FGF18: variants seen among roughly 807,000 people sequenced by gnomAD.
FGF18 encodes the protein fibroblast growth factor 18.
In FGF18, 5 loss-of-function variants were observed where a neutral mutation model predicts 23.0. That is an observed-to-expected ratio of 0.22 (90% CI 0.11 to 0.46). FGF18 has a LOEUF of 0.46. FGF18 is among the 20% of genes least tolerant of loss of function. The probability of loss-of-function intolerance (pLI) is 0.99; values close to 1 mark genes in which losing one functional copy is unlikely to be tolerated. For missense variants in FGF18, 180 were observed against 291.6 expected, an observed-to-expected ratio of 0.62 and a Z score of 2.79; for synonymous variants, 117 against 118.9, an observed-to-expected ratio of 0.98 and a Z score of 0.10.
Position 171,441,584 on chromosome 5 carries a change from G to C in FGF18, c.250+5311G>C, listed in dbSNP as rs868705558. On this transcript the variant is annotated intron_variant, in intron 3 of 4. Transcript: ENST00000274625. ...TTGTCTCCTTATCAGAGAGTCCCCA[G>C]CTCTGTCCACCCTTCCTAGCACTTG... Among the ~76,000 whole-genome samples the C allele has an allele frequency of 2.9e-4, 44 of 152,200 alleles. 1 individual carries two copies. Among genetic ancestry groups the C allele is most frequent in the Non-Finnish European group, 6.2e-4 (42 of 68,046 alleles).
intron 2 of FGF18, among the ~76,000 whole-genome samples, chr5:171,432,332 C>T (rs535061524): frequency 9.2e-5 from 14 of 152,116 alleles, no homozygotes; most frequent in Admixed American, 2.0e-4. Context: ...CTCCACGGGT[C>T]GCTGAGGTGC....
intron 4 of FGF18, among the ~76,000 whole-genome samples, chr5:171,454,686 C>T (rs545097764): frequency 6.6e-6 from 1 of 152,364 alleles, no homozygotes; most frequent in South Asian, 2.1e-4. Context: ...GCCTGTTTTC[C>T]ACTTCAAACA....
intron 2 of FGF18, among the ~76,000 whole-genome samples, chr5:171,428,875 A>T (rs1351880552): frequency 1.3e-5 from 2 of 152,208 alleles, no homozygotes; most frequent in African/African-American, 4.8e-5. Context: ...AGCGGTGCCC[A>T]TATTGATGAT....
At chr5:171,439,531 A>G (rs1187991199) in intron 3 of FGF18, among the ~76,000 whole-genome samples, 1 of 152,190 alleles carries the variant, frequency 6.6e-6, no homozygotes, top group African/African-American at 2.4e-5. Flanking sequence ...GGCAGTTGCC[A>G]TGTCATAGAA....
At chr5:171,439,817 T>C (rs1402725147) in intron 3 of FGF18, among the ~76,000 whole-genome samples, 1 of 152,172 alleles carries the variant, frequency 6.6e-6, no homozygotes, top group Non-Finnish European at 1.5e-5. Context: ...GCAACTCTGC[T>C]TTTAAAGTTT....
intron 2 of FGF18, among the ~76,000 whole-genome samples, chr5:171,421,763 T>G (rs1006011468): frequency 6.6e-6 from 1 of 151,954 alleles, no homozygotes; most frequent in East Asian, 1.9e-4. Flanking sequence ...GACTGATGGG[T>G]TCTTTCCTCC....
chr5:171,455,259 C>T (rs890698400), intron 4 of FGF18, among the ~76,000 whole-genome samples: 19 of 152,210 alleles, frequency 1.2e-4, no homozygotes, highest in African/African-American at 4.3e-4. Flanking sequence ...ACCGACGGCA[C>T]AGTTTGGAGT....
intron 4 of FGF18, 147 bp downstream of exon 4, chr5:171,449,400 T>TGTGTGTGTGTGTGAGA (rs1458322429): frequency 6.3e-5 from 23 of 363,284 alleles, no homozygotes; most frequent in South Asian, 2.5e-4. Context: ...TGTGTGTGTG[T>TGTGTGTGTGTGTGAGA]GAGAGAGAGA....
chr5:171,446,425 A>T (rs1208086039), intron 3 of FGF18, among the ~76,000 whole-genome samples: 1 of 152,204 alleles, frequency 6.6e-6, no homozygotes, highest in Non-Finnish European at 1.5e-5. Context: ...TCCTGAGGTC[A>T]GTCCCTGTTA....
chr5:171,427,065 C>G (rs1015032188), intron 2 of FGF18, among the ~76,000 whole-genome samples: 1 of 152,040 alleles, frequency 6.6e-6, no homozygotes, highest in African/African-American at 2.4e-5. Context: ...AAAAAATTAG[C>G]CGGGCATAGT....
Position 171,456,906 on chromosome 5 carries a change from T to C in FGF18, c.*101T>C. On this transcript the variant is annotated 3_prime_UTR_variant, in exon 5 of 5. Transcript: ENST00000274625. The surrounding 1 kb of genome is among the most constrained non-coding windows in gnomAD (Gnocchi z 6.1). ...TACATGAAAAATAAGGAAGAAGCTC[T>C]ATTTTTGTACATTGTGTTTAAAAGA... 1 of 1,398,690 alleles carries C rather than the reference T, an allele frequency of 7.1e-7. No homozygotes were observed. The highest frequency in any genetic ancestry group is 9.6e-7 in the Non-Finnish European group (1 of 1,039,410). 86.6% of individuals were successfully genotyped at this position (1,398,690 alleles called of 1,614,324 possible).
intron 4 of FGF18, among the ~76,000 whole-genome samples, chr5:171,450,576 G>A (rs1036993897): frequency 1.3e-5 from 2 of 152,204 alleles, no homozygotes; most frequent in African/African-American, 4.8e-5. Context: ...AAAGATTCCA[G>A]CCGCACTGCC....
intron 2 of FGF18, among the ~76,000 whole-genome samples, chr5:171,430,088 G>A (rs1326990245): frequency 1.3e-5 from 2 of 152,252 alleles, no homozygotes; most frequent in Non-Finnish European, 2.9e-5. Flanking sequence ...GCTGAGCGCG[G>A]TGGCTCACGC....
At chr5:171,453,232 G>C (rs985473606) in intron 4 of FGF18, among the ~76,000 whole-genome samples, 1 of 152,170 alleles carries the variant, frequency 6.6e-6, no homozygotes, top group Non-Finnish European at 1.5e-5. Flanking sequence ...CGTCAAGCCC[G>C]GATGTAGCCT....
intron 2 of FGF18, among the ~76,000 whole-genome samples, chr5:171,421,061 G>A (rs1489687376): frequency 2.0e-5 from 3 of 152,242 alleles, no homozygotes; most frequent in Non-Finnish European, 4.4e-5. Flanking sequence ...GCCCTCGTTG[G>A]TTCCCCGCCT....
intron 2 of FGF18, among the ~76,000 whole-genome samples, chr5:171,421,284 C>T (rs1031167920): frequency 1.3e-5 from 2 of 152,164 alleles, no homozygotes; most frequent in Admixed American, 1.3e-4. Context: ...AGGGAGCCGA[C>T]TTCAGCCCCG....
chr5:171,432,111 G>A (rs1301378654), intron 2 of FGF18, among the ~76,000 whole-genome samples: 1 of 152,176 alleles, frequency 6.6e-6, no homozygotes, highest in East Asian at 1.9e-4. Context: ...CAACACCCCT[G>A]ATCATTGGAT....
At chr5:171,422,505 G>T (rs866966897) in intron 2 of FGF18, among the ~76,000 whole-genome samples, 1 of 152,214 alleles carries the variant, frequency 6.6e-6, no homozygotes, top group African/African-American at 2.4e-5. Flanking sequence ...GCTGTGTCTG[G>T]AAGAGGGTTG....
chr5:171,436,080 T>C lies in FGF18; in HGVS notation c.70-13T>C, dbSNP rs372377186. 2.9e-5 allele frequency: 44 copies of C among 1,525,538 alleles called. No homozygotes were observed. Among genetic ancestry groups the C allele is most frequent in the Non-Finnish European group, 3.6e-5 (41 of 1,130,046 alleles). 94.5% of individuals were successfully genotyped at this position (1,525,538 alleles called of 1,614,324 possible). On this transcript the variant is annotated splice_polypyrimidine_tract_variant and intron_variant, in intron 2 of 4. Transcript: ENST00000274625. The surrounding 1 kb of genome is among the most constrained non-coding windows in gnomAD (Gnocchi z 4.4). ...CATCTGGGGTGGCTTACTGTGTCCTTTTCCCTGCCCAGGTGCTGGTTGCCG... is the reference window on the plus strand; with the variant it reads ...CATCTGGGGTGGCTTACTGTGTCCTCTTCCCTGCCCAGGTGCTGGTTGCCG...
Sources: gnomAD v4.1 joint callset for allele counts (sites outside exome capture counted in the v4.1 genomes callset) on GRCh38, gnomAD v4.1.1 for gene constraint, Gnocchi (gnomAD v3.1) non-coding constraint, MANE v1.5 for transcripts, NCBI Gene and HGNC (gene_info 2026-07-23, HGNC 2026-07-21) for gene names.